The following OXR1 variants were observed in gnomAD, a reference collection of about 807,000 sequenced individuals.
OXR1 encodes the protein oxidation resistance protein 1.
Under a neutral mutation model 104.6 loss-of-function variants are expected in OXR1, and 41 were observed. The observed-to-expected ratio is 0.39, with a 90% confidence interval of 0.31 to 0.51. The LOEUF (loss-of-function observed/expected upper bound fraction) is 0.51. Among genes scored for constraint, OXR1 ranks in the 20% least tolerant of loss-of-function variants. The pLI, the probability that OXR1 is intolerant of heterozygous loss-of-function variation, is 0.77. For synonymous variants in OXR1, 348 were observed against 348.4 expected (o/e 1.00, Z 0.01); for missense variants, 955 against 1,031.9 (o/e 0.93, Z 1.02).
chr8:106,551,781 C>T (rs1815823849), intron 3 of OXR1, among the ~76,000 whole-genome samples: 2 of 133,810 alleles, frequency 1.5e-5, no homozygotes, highest in African/African-American at 5.4e-5. Context: ...GACCCTGTCT[C>T]CACTATACAT....
chr8:106,450,935 A>G (rs1230510627), intron 2 of OXR1, among the ~76,000 whole-genome samples: 1 of 152,172 alleles, frequency 6.6e-6, no homozygotes, highest in African/African-American at 2.4e-5. Flanking sequence ...CTAATTTTGT[A>G]GTATTCTGTA....
chr8:106,311,623 A>T (rs567883801), intron 1 of OXR1, among the ~76,000 whole-genome samples: 1 of 152,162 alleles, frequency 6.6e-6, no homozygotes, highest in East Asian at 1.9e-4. Context: ...AGGTGTAGTC[A>T]TCTGGTTGCT....
chr8:106,438,540 T>C (rs1819667822), intron 2 of OXR1, among the ~76,000 whole-genome samples: 1 of 152,150 alleles, frequency 6.6e-6, no homozygotes, highest in Admixed American at 6.6e-5. Flanking sequence ...ATGGCTTATA[T>C]GATATGGCTA....
intron 2 of OXR1, among the ~76,000 whole-genome samples, chr8:106,416,876 GTT>G (rs1313769514): frequency 6.6e-6 from 1 of 152,052 alleles, no homozygotes; most frequent in Non-Finnish European, 1.5e-5. Flanking sequence ...GCTTTTGAAG[GTT>G]TTATTTCAAA....
intron 3 of OXR1, among the ~76,000 whole-genome samples, chr8:106,643,242 T>C (rs957107629): frequency 6.6e-6 from 1 of 152,174 alleles, no homozygotes; most frequent in South Asian, 2.1e-4. Flanking sequence ...ATAAAGTCTC[T>C]GTCACACTAG....
chr8:106,271,409 G>A (rs961662525), intron 1 of OXR1, among the ~76,000 whole-genome samples: 9 of 152,148 alleles, frequency 5.9e-5, no homozygotes, highest in African/African-American at 2.2e-4. Flanking sequence ...GGGTCTGAAT[G>A]TGTGTATTGC....
chr8:106,691,208 A>G (rs148203335), intron 6 of OXR1, among the ~76,000 whole-genome samples: 52 of 152,080 alleles, frequency 3.4e-4, no homozygotes, highest in African/African-American at 1.2e-3. Flanking sequence ...TTATATTTCT[A>G]TATTTTTAAG....
At chr8:106,487,367 T>A (rs1415552521) in intron 2 of OXR1, among the ~76,000 whole-genome samples, 1 of 151,144 alleles carries the variant, frequency 6.6e-6, no homozygotes. Context: ...TGCTGTTTAT[T>A]TTTTAATTTT....
At chr8:106,382,730 G>A (rs1361176431) in intron 2 of OXR1, among the ~76,000 whole-genome samples, 9 of 147,388 alleles carry the variant, frequency 6.1e-5, no homozygotes, top group Non-Finnish European at 1.3e-4. Flanking sequence ...GAAGTTAGGG[G>A]GACAGGGGGC....
At chr8:106,587,940 T>G (rs369775389) in intron 3 of OXR1, among the ~76,000 whole-genome samples, 7 of 151,292 alleles carry the variant, frequency 4.6e-5, no homozygotes, top group African/African-American at 1.7e-4. Flanking sequence ...TTGAACCATC[T>G]TCTAAATATA....
rs745457393 is a variant in OXR1, at chr8:106,706,649, T to C, written c.1128T>C (p.Ala376=). ...SSESVQTVNQ[A]EVESLTVKSE... ...AATCTGTGCAAACTGTCAATCAGGC[T>C]GAAGTAGAAAGTCTGACAGTCAAAT... Residue 376 remains alanine (A), a synonymous_variant, in exon 9 of 17, where the codon GCT becomes GCC. Transcript: ENST00000517566. 1.2e-6 allele frequency: 2 copies of C among 1,613,668 alleles called. No homozygotes were observed. Among genetic ancestry groups the C allele is most frequent in the East Asian group, 4.5e-5 (2 of 44,868 alleles).
intron 7 of OXR1, among the ~76,000 whole-genome samples, chr8:106,702,489 A>G (rs1830675739): frequency 6.6e-6 from 1 of 152,168 alleles, no homozygotes; most frequent in African/African-American, 2.4e-5. Context: ...TTTTCCTTTT[A>G]TAATATTATC....
At chr8:106,562,295 G>A (rs1456418362) in intron 3 of OXR1, among the ~76,000 whole-genome samples, 1 of 151,982 alleles carries the variant, frequency 6.6e-6, no homozygotes, top group East Asian at 1.9e-4. Flanking sequence ...TGATAGAGCT[G>A]AAAAACAGCA....
Position 106,365,729 on chromosome 8 carries a change from AC to A in OXR1, c.23+6094del, listed in dbSNP as rs781549774. Among the ~76,000 whole-genome samples the A allele has an allele frequency of 3.3e-5, 5 of 152,260 alleles. No individual in the cohort carries two copies. In the East Asian group the frequency reaches 7.7e-4, roughly 23 times the overall value. The stretch of plus-strand genomic sequence containing the variant: ...CTTTGAGCTATGTGCCTTTAGAATA[AC>A]TTTTTAAAAATTAGACATTTATAAG... On this transcript the variant is annotated intron_variant, in intron 2 of 16. Coordinates refer to ENST00000517566, the MANE Select transcript of OXR1 (RefSeq NM_001198533.2).
chr8:106,624,011 C>A (rs1275609386), intron 3 of OXR1, among the ~76,000 whole-genome samples: 2 of 152,182 alleles, frequency 1.3e-5, no homozygotes, highest in African/African-American at 2.4e-5. Context: ...AGCACACATA[C>A]ACACACACTA....
chr8:106,683,284 C>G lies in OXR1; in HGVS notation c.389C>G (p.Ser130Cys), dbSNP rs767346745. 11 of 1,587,586 alleles carry G rather than the reference C, an allele frequency of 6.9e-6. No homozygotes were observed. Among genetic ancestry groups the G allele is most frequent in the Non-Finnish European group, 6.9e-6 (8 of 1,156,618 alleles). Residue 130 changes from serine to cysteine, a missense_variant, in exon 5 of 17, where the codon TCC becomes TGC. Ser to Cys is a moderately radical substitution (Grantham distance 112, BLOSUM62 -1). Coordinates refer to ENST00000517566, the MANE Select transcript of OXR1 (RefSeq NM_001198533.2). ...NELVQLNKLFSRAVVTGQVLY... is the reference protein window; with the variant it reads ...NELVQLNKLFCRAVVTGQVLY... ...CTTGTTCAATTAAATAAGTTATTCT[C>G]CCGAGCAGTTGTTACTGGACAGGTA...
At chr8:106,277,540 AG>A (rs1812100884) in intron 1 of OXR1, among the ~76,000 whole-genome samples, 1 of 152,176 alleles carries the variant, frequency 6.6e-6, no homozygotes, top group Non-Finnish European at 1.5e-5. Context: ...AAGTTTCTTG[AG>A]GAAAAAAAAG....
chr8:106,623,443 A>G (rs1821890811), intron 3 of OXR1, among the ~76,000 whole-genome samples: 1 of 152,174 alleles, frequency 6.6e-6, no homozygotes, highest in Non-Finnish European at 1.5e-5. Flanking sequence ...TTGAATGCCT[A>G]TTATATTCTG....
At position 106,514,417 on chromosome 8, in the gene OXR1, TG is replaced by T. The variant is rs748312557; in HGVS notation, c.24-4524del. On this transcript the variant is annotated intron_variant, in intron 2 of 16. Transcript: ENST00000517566. ...GTTCTGCTTTCTAAGAATGTGCAAA[TG>T]GAAGTCTTGTCTTATGCAAGCCAGA... Among the ~76,000 whole-genome samples, 4 of 152,216 alleles carry T rather than the reference TG, an allele frequency of 2.6e-5. No individual in the cohort carries two copies. In the East Asian group the frequency reaches 7.7e-4, roughly 29 times the overall value.
Sources: gnomAD v4.1 joint callset for allele counts (sites outside exome capture counted in the v4.1 genomes callset) on GRCh38, gnomAD v4.1.1 for gene constraint, MANE v1.5 for transcripts, NCBI Gene and HGNC (gene_info 2026-07-23, HGNC 2026-07-21) for gene names.